The following KALRN variants were observed in gnomAD, a reference collection of about 807,000 sequenced individuals.
KALRN encodes kalirin.
A neutral mutation model predicts 353.7 loss-of-function variants in KALRN; 70 were observed. The observed-to-expected ratio is 0.20, with a 90% CI of 0.16 to 0.24. The LOEUF is 0.24. KALRN is among the 10% of genes least tolerant of loss of function. The pLI is 1.00. For synonymous variants in KALRN, 1,391 were observed against 1,434.8 expected (o/e 0.97, Z 0.69); for missense variants, 2,791 against 3,756.7 (o/e 0.74, Z 6.72).
chr3:124,649,558 G>A (rs1277878863), intron 37 of KALRN, among the ~76,000 whole-genome samples: 10 of 152,058 alleles, frequency 6.6e-5, no homozygotes, highest in Non-Finnish European at 1.0e-4. Context: ...AGTATCACTT[G>A]AGCCCAGGAG....
intron 57 of KALRN, among the ~76,000 whole-genome samples, chr3:124,711,338 T>A (rs1211768795): frequency 6.6e-6 from 1 of 152,152 alleles, no homozygotes; most frequent in Non-Finnish European, 1.5e-5. Context: ...GCACATTATT[T>A]TATGCAAATA....
chr3:124,655,637 C>G lies in KALRN; in HGVS notation c.5832C>G (p.Asp1944Glu), dbSNP rs755958107. Reference protein sequence around the residue: ...VLNELVQTEKDYVKDLGIVVE... With the variant: ...VLNELVQTEKEYVKDLGIVVE... ...ATGAGCTGGTACAGACAGAGAAAGA[C>G]TATGTCAAGGATCTGGGCATTGTGG... Residue 1944 changes from aspartate (D) to glutamate (E), a missense_variant, in exon 39 of 60, where the codon GAC becomes GAG. Asp to Glu is a conservative substitution (Grantham distance 45). Around this residue, in one of 11 missense-constraint regions of KALRN, gnomAD observed 1,065 missense variants for 1,156.4 expected, o/e 0.92. Coordinates refer to ENST00000682506, the MANE Select transcript of KALRN (RefSeq NM_001388419.1). 8.1e-6 allele frequency: 13 copies of G among 1,614,040 alleles called. No individual in the cohort carries two copies. The highest frequency in any genetic ancestry group is 1.6e-4 in the Middle Eastern group (1 of 6,062).
At chr3:124,289,345 T>C (rs1041269366) in intron 5 of KALRN, among the ~76,000 whole-genome samples, 6 of 152,212 alleles carry the variant, frequency 3.9e-5, no homozygotes, top group African/African-American at 1.4e-4. Flanking sequence ...TAGTCCAGGA[T>C]TTAAGTCTGT....
At chr3:124,457,542 A>G (rs756957262) in intron 23 of KALRN, among the ~76,000 whole-genome samples, 4 of 152,252 alleles carry the variant, frequency 2.6e-5, no homozygotes, top group Non-Finnish European at 4.4e-5. Flanking sequence ...GCTAATATCA[A>G]TACTCTTCCT....
chr3:124,534,776 T>C (rs969379749), intron 33 of KALRN, among the ~76,000 whole-genome samples: 2 of 99,710 alleles, frequency 2.0e-5, no homozygotes, highest in African/African-American at 1.1e-4. Context: ...ATTTCCTTCC[T>C]GGCCTGAAAC....
At chr3:124,227,670 T>G (rs1057193080) in intron 1 of KALRN, among the ~76,000 whole-genome samples, 3 of 20,174 alleles carry the variant, frequency 1.5e-4, no homozygotes, top group Non-Finnish European at 3.3e-4. Context: ...GCTGTTTTTT[T>G]TTTTTTTTTT....
intron 1 of KALRN, chr3:124,094,085 G>A (rs1250923049): frequency 6.6e-6 from 1 of 152,478 alleles, no homozygotes; most frequent in Non-Finnish European, 1.5e-5. Flanking sequence ...CACAAATACT[G>A]TTCTCTCTGG....
chr3:124,095,038 G>A (rs992836563), intron 1 of KALRN: 6 of 849,074 alleles, frequency 7.1e-6, no homozygotes, highest in Admixed American at 2.1e-5. Flanking sequence ...TGAAACAGAG[G>A]CAAGTAGCAA....
intron 10 of KALRN, among the ~76,000 whole-genome samples, chr3:124,374,099 G>A: frequency 6.6e-6 from 1 of 152,282 alleles, no homozygotes; most frequent in South Asian, 2.1e-4. Context: ...ACTTTGGGAG[G>A]TGATCAGTGC....
chr3:124,611,660 C>T (rs2077987572), intron 34 of KALRN, among the ~76,000 whole-genome samples: 1 of 152,180 alleles, frequency 6.6e-6, no homozygotes, highest in Non-Finnish European at 1.5e-5. Context: ...ACCCCGGCCC[C>T]TTTTAAAACA....
In KALRN at chr3:124,455,179, A is replaced by T; in HGVS notation, c.3555A>T (p.Gln1185His). Residue 1185 changes from glutamine to histidine, a missense_variant and splice_region_variant, in exon 22 of 60, where the codon CAA (glutamine) becomes CAT (histidine). Gln to His is a conservative substitution (Grantham distance 24). Around this residue, in one of 11 missense-constraint regions of KALRN, gnomAD observed 268 missense variants for 347.0 expected, o/e 0.77. Transcript: ENST00000682506. ...CTTAAGGCCATCTTTTGGGGCAGCA[A>T]ACAAAGGAGAAGGTGAAGCTTCTGA... ...EYGEFRVPAKQTKEKVKLLIQ... is the reference protein window; with the variant it reads ...EYGEFRVPAKHTKEKVKLLIQ... 6.2e-7 allele frequency: 1 copy of T among 1,614,078 alleles called. No individual in the cohort carries two copies. The highest frequency in any genetic ancestry group is 8.5e-7 in the Non-Finnish European group (1 of 1,179,966).
intron 1 of KALRN, among the ~76,000 whole-genome samples, chr3:124,066,170 G>T (rs1277677029): frequency 6.6e-6 from 1 of 152,158 alleles, no homozygotes; most frequent in Non-Finnish European, 1.5e-5. Context: ...GTGTTGTGTT[G>T]CTCATCTGTG....
chr3:124,477,252 A>C lies in KALRN; in HGVS notation c.4109A>C (p.Lys1370Thr), dbSNP rs1292415250. The part of the protein sequence containing the change: ...VGHCFVTWAD[K>T]FQMYVTYCKN... ...TATCTTTGTTCTTTTTAGGCAGACA[A>C]ATTTCAGATGTATGTCACCTACTGT... The change falls in exon 27 of 60, where the codon AAA (lysine) becomes ACA (threonine). Residue 1370 changes from lysine to threonine, a missense_variant. By Grantham distance (78) the Lys-to-Thr change is moderately conservative. This residue lies in a region of KALRN where 54 missense variants were observed against 131.7 expected (regional missense o/e 0.41). Coordinates refer to ENST00000682506, the MANE Select transcript of KALRN (RefSeq NM_001388419.1). The C allele has an allele frequency of 6.2e-7, 1 of 1,611,794 alleles. No homozygotes were observed. Among genetic ancestry groups the C allele is most frequent in the East Asian group, 2.2e-5 (1 of 44,862 alleles).
At chr3:124,376,358 G>A (rs1000340688) in intron 10 of KALRN, among the ~76,000 whole-genome samples, 1 of 152,244 alleles carries the variant, frequency 6.6e-6, no homozygotes, top group Non-Finnish European at 1.5e-5. Flanking sequence ...CTTATTCAGG[G>A]CACCTAAGAA....
intron 1 of KALRN, among the ~76,000 whole-genome samples, chr3:124,192,659 G>A (rs2075050615): frequency 6.6e-6 from 1 of 152,004 alleles, no homozygotes; most frequent in Non-Finnish European, 1.5e-5. Flanking sequence ...CACCTACTAT[G>A]TACCCACAAA....
intron 10 of KALRN, among the ~76,000 whole-genome samples, chr3:124,369,010 G>T (rs530592963): frequency 6.6e-6 from 1 of 152,030 alleles, no homozygotes; most frequent in Non-Finnish European, 1.5e-5. Context: ...GTACAGTCCA[G>T]CTTCGGCTCC....
At chr3:124,300,419 C>T (rs893284706) in intron 6 of KALRN, among the ~76,000 whole-genome samples, 7 of 152,176 alleles carry the variant, frequency 4.6e-5, no homozygotes, top group African/African-American at 1.7e-4. Context: ...CATAGCCACC[C>T]AGAGAGACCT....
chr3:124,486,938 C>T (rs1177492840), intron 28 of KALRN, among the ~76,000 whole-genome samples: 1 of 152,164 alleles, frequency 6.6e-6, no homozygotes, highest in Non-Finnish European at 1.5e-5. Context: ...CCTAGACAGA[C>T]CAGATTTATC....
intron 33 of KALRN, chr3:124,519,734 TG>T: frequency 2.0e-6 from 2 of 985,464 alleles, no homozygotes; most frequent in Non-Finnish European, 2.4e-6. Flanking sequence ...TCTTTGTACT[TG>T]AATTTAAATC....
Sources: gnomAD v4.1 joint callset for allele counts (sites outside exome capture counted in the v4.1 genomes callset) on GRCh38, gnomAD v4.1.1 for gene constraint, gnomAD v4.1.1 regional missense constraint, MANE v1.5 for transcripts, NCBI Gene and HGNC (gene_info 2026-07-23, HGNC 2026-07-21) for gene names.